Variants in GABRA5 observed in about 807,000 individuals in gnomAD.
The protein encoded by GABRA5 is gamma-aminobutyric acid type A receptor subunit alpha5.
Under a neutral mutation model 47.3 loss-of-function variants are expected in GABRA5, and 18 were observed. The observed-to-expected ratio is 0.38, with a 90% CI of 0.26 to 0.56. GABRA5 has a LOEUF of 0.56. Ranked by LOEUF, GABRA5 falls within the 20% of genes least tolerant of loss-of-function variation. The pLI, the probability that GABRA5 is intolerant of heterozygous loss-of-function variation, is 0.71. For missense variants in GABRA5, 365 were observed against 599.3 expected, an observed-to-expected ratio of 0.61 and a Z score of 4.08; for synonymous variants, 237 against 229.3, an observed-to-expected ratio of 1.03 and a Z score of -0.30.
intron 7 of GABRA5, among the ~76,000 whole-genome samples, chr15:26,927,411 A>G (rs1399442161): frequency 1.3e-5 from 2 of 151,868 alleles, no homozygotes; most frequent in African/African-American, 4.8e-5. Flanking sequence ...TGCGCCCGGC[A>G]TATCTGCCTG....
chr15:26,871,076 C>A (rs1892460283), intron 3 of GABRA5, among the ~76,000 whole-genome samples: 1 of 152,166 alleles, frequency 6.6e-6, no homozygotes, highest in African/African-American at 2.4e-5. Context: ...TGCCTGTAAT[C>A]CCAGCCACTT....
intron 3 of GABRA5, among the ~76,000 whole-genome samples, chr15:26,874,244 A>G (rs1892539092): frequency 6.6e-6 from 1 of 152,224 alleles, no homozygotes; most frequent in African/African-American, 2.4e-5. Context: ...GTACTTCAGC[A>G]TGTATATGAG....
In GABRA5 at chr15:26,917,445, A is replaced by C. The variant is rs145020863; in HGVS notation, c.580+2560A>C. ...AATTCTGCTTGGATACGAATCTCTT[A>C]ATGTGTTGCTGAATTCAGTTTGTTG... On this transcript the variant is annotated intron_variant, in intron 7 of 10. Coordinates refer to ENST00000335625, the MANE Select transcript of GABRA5 (RefSeq NM_000810.4). 6.9e-3 allele frequency among the ~76,000 whole-genome samples: 1,048 copies of C among 152,022 alleles called. 14 individuals are homozygous for C. Among genetic ancestry groups the C allele is most frequent in the African/African-American group, 0.023 (973 of 41,512 alleles).
intron 6 of GABRA5, among the ~76,000 whole-genome samples, chr15:26,894,151 G>C (rs1472714100): frequency 2.0e-5 from 3 of 152,136 alleles, no homozygotes; most frequent in Non-Finnish European, 4.4e-5. Context: ...CGCCGGACCT[G>C]GGCCCGGACT....
chr15:26,893,274 TG>T (rs1893064882), intron 6 of GABRA5, among the ~76,000 whole-genome samples: 1 of 147,394 alleles, frequency 6.8e-6, no homozygotes. Context: ...GTATGGTGTG[TG>T]TGTATGGCAT....
intron 6 of GABRA5, among the ~76,000 whole-genome samples, chr15:26,887,679 A>G (rs1483708493): frequency 6.6e-6 from 1 of 152,164 alleles, no homozygotes; most frequent in Non-Finnish European, 1.5e-5. Flanking sequence ...ACCTGAGACA[A>G]ACATCTAGAA....
chr15:26,941,958 G>A (rs1441337269), intron 9 of GABRA5, among the ~76,000 whole-genome samples: 1 of 152,158 alleles, frequency 6.6e-6, no homozygotes, highest in African/African-American at 2.4e-5. Flanking sequence ...TGGAGGTTAG[G>A]ACTTCAACAT....
At chr15:26,891,074 C>T (rs1030725691) in intron 6 of GABRA5, among the ~76,000 whole-genome samples, 2 of 152,194 alleles carry the variant, frequency 1.3e-5, no homozygotes, top group African/African-American at 4.8e-5. Flanking sequence ...AAAACGTGAC[C>T]AGACATATTC....
intron 8 of GABRA5, among the ~76,000 whole-genome samples, chr15:26,938,690 G>T (rs1168518153): frequency 1.3e-5 from 2 of 152,162 alleles, no homozygotes; most frequent in Non-Finnish European, 2.9e-5. Flanking sequence ...CCATTTCTCG[G>T]CTCTGCTCCC....
intron 7 of GABRA5, among the ~76,000 whole-genome samples, chr15:26,935,449 C>T (rs1278051593): frequency 6.6e-6 from 1 of 152,254 alleles, no homozygotes; most frequent in Admixed American, 6.5e-5. Flanking sequence ...AAGCGGCTCA[C>T]AGGACTTGCA....
chr15:26,907,495 C>T (rs902369292), intron 6 of GABRA5, among the ~76,000 whole-genome samples: 1 of 152,090 alleles, frequency 6.6e-6, no homozygotes, highest in African/African-American at 2.4e-5. Flanking sequence ...TTGGATTTGA[C>T]GGGGTCAGAC....
At chr15:26,888,960 C>A (rs117435476) in intron 6 of GABRA5, among the ~76,000 whole-genome samples, 2,595 of 152,308 alleles carry the variant, frequency 0.017, 117 homozygotes, top group South Asian at 0.13. Context: ...CTCAGAGAAC[C>A]CGGCCGCTGC....
chr15:26,937,425 GGGAGGC>G, intron 8 of GABRA5, 97 bp downstream of exon 8: 2 of 1,315,778 alleles, frequency 1.5e-6, no homozygotes, highest in Non-Finnish European at 2.0e-6. Flanking sequence ...GGGGCCACGT[GGGAGGC>G]CGCACAGCAG....
At chr15:26,918,999 T>C (rs1243592726) in intron 7 of GABRA5, among the ~76,000 whole-genome samples, 1 of 152,030 alleles carries the variant, frequency 6.6e-6, no homozygotes, top group Non-Finnish European at 1.5e-5. Context: ...TTAAATTAGC[T>C]AGACATGGTG....
At chr15:26,918,138 G>A (rs1893760431) in intron 7 of GABRA5, among the ~76,000 whole-genome samples, 1 of 151,818 alleles carries the variant, frequency 6.6e-6, no homozygotes, top group South Asian at 2.1e-4. Context: ...GAGTTAGGTT[G>A]TTTATAAATT....
Position 26,867,836 on chromosome 15 carries a change from G to A in GABRA5, c.-140+725G>A, listed in dbSNP as rs1287928471. 9 of 152,134 alleles carry A rather than the reference G, an allele frequency of 5.9e-5. No homozygotes were observed. The highest frequency in any genetic ancestry group is 1.5e-5 in the Non-Finnish European group (1 of 68,054). The allele number at this position is 152,134 out of a possible 1,614,324, so 9.4% of individuals were successfully genotyped here. Reference sequence around the variant, plus strand: ...GCGCGTGTCGCGCGGGCTGCTCGAGGCCAGGGGACTTGGAGTCGCTGCTGC... The same window carrying A: ...GCGCGTGTCGCGCGGGCTGCTCGAGACCAGGGGACTTGGAGTCGCTGCTGC... On this transcript the variant is annotated intron_variant, in intron 1 of 10. Coordinates refer to ENST00000335625, the MANE Select transcript of GABRA5 (RefSeq NM_000810.4). The surrounding 1 kb of genome is among the most constrained non-coding windows in gnomAD (Gnocchi z 5.9).
chr15:26,927,407 C>T (rs1474817590), intron 7 of GABRA5, among the ~76,000 whole-genome samples: 7 of 151,916 alleles, frequency 4.6e-5, no homozygotes, highest in African/African-American at 1.7e-4. Flanking sequence ...CCACTGCGCC[C>T]GGCATATCTG....
intron 7 of GABRA5, among the ~76,000 whole-genome samples, chr15:26,924,868 G>A (rs1893924127): frequency 6.6e-6 from 1 of 152,128 alleles, no homozygotes; most frequent in African/African-American, 2.4e-5. Flanking sequence ...AGCTTCTTTA[G>A]CTCCAAACCT....
At chr15:26,897,095 G>A (rs1309531354) in intron 6 of GABRA5, among the ~76,000 whole-genome samples, 1 of 152,002 alleles carries the variant, frequency 6.6e-6, no homozygotes, top group Non-Finnish European at 1.5e-5. Context: ...TATGGAAAGA[G>A]AGGTCCCTTC....
Sources: allele counts gnomAD v4.1 joint callset (sites outside exome capture counted in the v4.1 genomes callset), GRCh38; gene constraint gnomAD v4.1.1; non-coding constraint Gnocchi (gnomAD v3.1); transcripts MANE v1.5; gene names NCBI Gene and HGNC (gene_info 2026-07-23, HGNC 2026-07-21).